EBI3: variants seen among roughly 807,000 people sequenced by gnomAD.
EBI3 encodes the protein interleukin-27 subunit beta.
Under a neutral mutation model 21.3 loss-of-function variants are expected in EBI3, and 19 were observed. The ratio of observed to expected loss-of-function variants is 0.89; its 90% CI spans 0.62 to 1.31. The LOEUF is 1.31. EBI3 is among the 50% of genes most tolerant of loss of function. The pLI, the probability that EBI3 is intolerant of heterozygous loss-of-function variation, is 0.00. For synonymous variants in EBI3, 154 were observed against 131.2 expected (o/e 1.17, Z -1.19); for missense variants, 331 against 314.0 (o/e 1.05, Z -0.41).
In EBI3 at chr19:4,237,311, T is replaced by G; in HGVS notation, c.*223T>G. On this transcript the variant is annotated 3_prime_UTR_variant, in exon 5 of 5. Coordinates refer to ENST00000221847, the MANE Select transcript of EBI3 (RefSeq NM_005755.3). ...CTACTCTCTCCTTTACCTTTACCTT[T>G]ACCACAGTGCAGGGCTGACTGAACT... 1 of 409,336 alleles carries G rather than the reference T, an allele frequency of 2.4e-6. No homozygotes were observed. The highest frequency in any genetic ancestry group is 4.3e-6 in the Non-Finnish European group (1 of 233,610). The allele number at this position is 409,336 out of a possible 1,614,324, so 25.4% of individuals were successfully genotyped here.
intron 2 of EBI3, among the ~76,000 whole-genome samples, chr19:4,232,857 C>T (rs1309844799): frequency 6.6e-6 from 1 of 152,216 alleles, no homozygotes; most frequent in Non-Finnish European, 1.5e-5. Flanking sequence ...TGAATGAATG[C>T]TGACATCCCA....
rs760061331 is a variant in EBI3 at position 4,237,111 on chromosome 19, G to GAAGA, written c.*24_*25insAGAA. 4 of 1,479,258 alleles carry GAAGA rather than the reference G, an allele frequency of 2.7e-6. No individual in the cohort carries two copies. The East Asian group carries it at 1.0e-4, about 38-fold the overall frequency. The allele number at this position is 1,479,258 out of a possible 1,614,324, so 91.6% of individuals were successfully genotyped here. A position where few individuals can be genotyped will look rare whatever the true frequency, so the allele number is the denominator to read the frequency against. ...TAGCAAGGGCTTCCCGCTGCCTCCA[G>GAAGA]ACAGCACCTGGGTCCTCGCCACCCT... On this transcript the variant is annotated 3_prime_UTR_variant, in exon 5 of 5. Transcript: ENST00000221847.
In EBI3 at chr19:4,237,257, A is replaced by G; in HGVS notation, c.*169A>G. The G allele has an allele frequency of 2.8e-6, 2 of 713,610 alleles. No individual in the cohort carries two copies. The highest frequency in any genetic ancestry group is 4.2e-6 in the Non-Finnish European group (2 of 480,770). 44.2% of individuals were successfully genotyped at this position (713,610 alleles called of 1,614,324 possible). On this transcript the variant is annotated 3_prime_UTR_variant, in exon 5 of 5. Coordinates refer to ENST00000221847, the MANE Select transcript of EBI3 (RefSeq NM_005755.3). The stretch of plus-strand genomic sequence containing the variant: ...TGACCGACTTTTCCCTTTGAGCCTC[A>G]GTTTCTCTAGCTGAGAAATGGAGAT...
Position 4,233,155 on chromosome 19 carries a change from G to A in EBI3, c.227G>A (p.Ser76Asn), listed in dbSNP as rs766748000. 2.5e-6 allele frequency: 4 copies of A among 1,602,072 alleles called. No homozygotes were observed. Among genetic ancestry groups the A allele is most frequent in the Non-Finnish European group, 3.4e-6 (4 of 1,178,688 alleles). ...CTCGGCATGGCTGCCCGGGGCCACA[G>A]CTGGCCCTGCCTGCAGCAGACGCCA... ...YRLGMAARGH[S>N]WPCLQQTPTS... The change falls in exon 3 of 5, where the codon AGC becomes AAC. Residue 76 changes from serine to asparagine, a missense_variant. Physicochemically the swap from Ser to Asn is conservative, Grantham distance 46 (BLOSUM62 1). Transcript: ENST00000221847.
intron 3 of EBI3, among the ~76,000 whole-genome samples, chr19:4,234,180 T>C (rs1006879315): frequency 6.6e-6 from 1 of 152,204 alleles, no homozygotes; most frequent in Non-Finnish European, 1.5e-5. Flanking sequence ...CATTCCAGCC[T>C]GGGCGAGAGA....
intron 4 of EBI3, among the ~76,000 whole-genome samples, chr19:4,235,250 C>A (rs1396669921): frequency 6.6e-6 from 1 of 151,972 alleles, no homozygotes; most frequent in Non-Finnish European, 1.5e-5. Context: ...AACTTCTGAT[C>A]TCAGGTGATC....
intron 3 of EBI3, among the ~76,000 whole-genome samples, chr19:4,233,948 TAATCC>T (rs1970814145): frequency 6.6e-6 from 1 of 152,200 alleles, no homozygotes; most frequent in Non-Finnish European, 1.5e-5. Context: ...CTCACACTTG[TAATCC>T]CAGCACTTTG....
At chr19:4,230,575 A>AAAT (rs552869383) in intron 1 of EBI3, among the ~76,000 whole-genome samples, 39 of 150,664 alleles carry the variant, frequency 2.6e-4, no homozygotes, top group Middle Eastern at 7.0e-3. Flanking sequence ...CCTTGTCTCA[A>AAAT]AATAATAATA....
rs746574519 is a variant in EBI3, at chr19:4,233,283, G to A, written c.355G>A (p.Val119Met). The stretch of plus-strand genomic sequence containing the variant: ...CCCCTGGGGCTCCAGCAGCAGCTTC[G>A]TGCCTTTCATAACAGAGCACATCAG... ...VHPWGSSSSF[V>M]PFITEHIIKP... Residue 119 changes from valine to methionine, a missense_variant, in exon 3 of 5, where the codon GTG (valine) becomes ATG (methionine). By Grantham distance (21) the Val-to-Met change is conservative. Coordinates refer to ENST00000221847, the MANE Select transcript of EBI3 (RefSeq NM_005755.3). 3 of 1,611,122 alleles carry A rather than the reference G, an allele frequency of 1.9e-6. No homozygotes were observed. Among genetic ancestry groups the A allele is most frequent in the African/African-American group, 1.3e-5 (1 of 74,882 alleles).
At chr19:4,231,420 C>T in intron 2 of EBI3, 97 bp downstream of exon 2, 1 of 1,415,292 alleles carries the variant, frequency 7.1e-7, no homozygotes, top group East Asian at 2.6e-5. Flanking sequence ...AACTGGAGAC[C>T]CCGACATCCT....
intron 3 of EBI3, 108 bp from the exon 4 acceptor site, chr19:4,234,559 T>C (rs1970819151): frequency 5.3e-6 from 8 of 1,497,926 alleles, no homozygotes; most frequent in Non-Finnish European, 7.1e-6. Flanking sequence ...TGAGACTCCG[T>C]TTCAAAACAA....
At position 4,236,975 on chromosome 19, in the gene EBI3, G is replaced by C. The variant is rs1436817168; in HGVS notation, c.577G>C (p.Val193Leu). 2 of 1,556,988 alleles carry C rather than the reference G, an allele frequency of 1.3e-6. No individual in the cohort carries two copies. The highest frequency in any genetic ancestry group is 1.7e-6 in the Non-Finnish European group (2 of 1,147,392). The change falls in exon 5 of 5, where the codon GTG becomes CTG. Residue 193 changes from valine to leucine, a missense_variant. Transcript: ENST00000221847. ...IEATSFILRA[V>L]RPRARYYVQV... ...AGCCACGTCCTTCATCCTCAGGGCT[G>C]TGCGGCCCCGAGCCAGGTACTACGT...
intron 1 of EBI3, among the ~76,000 whole-genome samples, chr19:4,230,333 G>A (rs1376695155): frequency 1.3e-5 from 2 of 152,138 alleles, no homozygotes; most frequent in African/African-American, 4.8e-5. Flanking sequence ...GGGAGGCCAG[G>A]GCGTGAGGAT....
intron 4 of EBI3, among the ~76,000 whole-genome samples, chr19:4,235,819 C>T (rs1212708556): frequency 6.6e-6 from 1 of 152,114 alleles, no homozygotes; most frequent in Non-Finnish European, 1.5e-5. Flanking sequence ...CCCCCAGTTA[C>T]AAGAGGCTGA....
At position 4,234,654 on chromosome 19, in the gene EBI3, G is replaced by A; in HGVS notation, c.380-13G>A. 1 of 1,609,104 alleles carries A rather than the reference G, an allele frequency of 6.2e-7. No homozygotes were observed. Among genetic ancestry groups the A allele is most frequent in the Non-Finnish European group, 8.5e-7 (1 of 1,176,782 alleles). On this transcript the variant is annotated splice_polypyrimidine_tract_variant and intron_variant, in intron 3 of 4. Transcript: ENST00000221847. ...TTACTGTCCCCTGACCCTGCTTCCT[G>A]CTTGTCCGTCAGTCAAGCCCGACCC...
intron 4 of EBI3, among the ~76,000 whole-genome samples, chr19:4,235,218 C>A (rs1307441426): frequency 1.3e-5 from 2 of 151,930 alleles, no homozygotes; most frequent in Non-Finnish European, 2.9e-5. Context: ...GGGGTTTCAT[C>A]ATGTTGGCCA....
intron 2 of EBI3, among the ~76,000 whole-genome samples, chr19:4,232,266 GAA>G (rs1204554070): frequency 1.7e-5 from 2 of 115,826 alleles, no homozygotes; most frequent in Non-Finnish European, 3.6e-5. Flanking sequence ...GAAAAGAAAA[GAA>G]AAGAAAAAAT....
chr19:4,232,977 C>T (rs1970803291), intron 2 of EBI3, 152 bp from the exon 3 acceptor site: 1 of 859,762 alleles, frequency 1.2e-6, no homozygotes. Context: ...CGGGGGGTGG[C>T]ACGGCCACCA....
chr19:4,237,237 G>A lies in EBI3; in HGVS notation c.*149G>A, dbSNP rs1343506727. 1.5e-5 allele frequency: 14 copies of A among 922,732 alleles called. No homozygotes were observed. The highest frequency in any genetic ancestry group is 3.7e-5 in the Admixed American group (1 of 27,322). The allele number at this position is 922,732 out of a possible 1,614,324, so 57.2% of individuals were successfully genotyped here. A position where few individuals can be genotyped will look rare whatever the true frequency, so the allele number is the denominator to read the frequency against. Reference sequence around the variant, plus strand: ...AGCTGCCGGGCAACCTCAGATGACCGACTTTTCCCTTTGAGCCTCAGTTTC... The same window carrying A: ...AGCTGCCGGGCAACCTCAGATGACCAACTTTTCCCTTTGAGCCTCAGTTTC... On this transcript the variant is annotated 3_prime_UTR_variant, in exon 5 of 5. Transcript: ENST00000221847.
Sources: allele counts gnomAD v4.1 joint callset (sites outside exome capture counted in the v4.1 genomes callset), GRCh38; gene constraint gnomAD v4.1.1; transcripts MANE v1.5; gene names NCBI Gene and HGNC (gene_info 2026-07-23, HGNC 2026-07-21).